The following LMNA variants were observed in gnomAD, a reference collection of about 807,000 sequenced individuals.
The protein encoded by LMNA is lamin.
In LMNA, 20 loss-of-function variants were observed where a neutral mutation model predicts 70.4. The ratio of observed to expected loss-of-function variants is 0.28; its 90% CI spans 0.20 to 0.41. The LOEUF (loss-of-function observed/expected upper bound fraction) is 0.41. Among genes scored for constraint, LMNA ranks in the 10% least tolerant of loss-of-function variants. The pLI, the probability that LMNA is intolerant of heterozygous loss-of-function variation, is 1.00. For missense variants in LMNA, 652 were observed against 917.2 expected, an observed-to-expected ratio of 0.71 and a Z score of 3.73; for synonymous variants, 339 against 372.8, an observed-to-expected ratio of 0.91 and a Z score of 1.04.
In LMNA at chr1:156,114,787, C is replaced by G. The variant is rs1649681819; in HGVS notation, c.-132C>G. ...CGACAGCGCCCGGCCCAGATCCCCA[C>G]GCCTGCCAGGAGCAAGCCGAGAGCC... On this transcript the variant is annotated 5_prime_UTR_variant, in exon 1 of 12. Transcript: ENST00000368300. 1.7e-5 allele frequency: 11 copies of G among 660,154 alleles called. No homozygotes were observed. 40.9% of individuals were successfully genotyped at this position (660,154 alleles called of 1,614,324 possible).
chr1:156,114,706 G>T, upstream of LMNA: 1 of 556,162 alleles, frequency 1.8e-6, no homozygotes, highest in East Asian at 3.1e-5. Flanking sequence ...CGGCGTCGGT[G>T]ACTCAGTGTT....
At chr1:156,086,204 C>T (rs979638474) in intron 2 of LMNA, among the ~76,000 whole-genome samples, 1 of 152,234 alleles carries the variant, frequency 6.6e-6, no homozygotes, top group Non-Finnish European at 1.5e-5. Flanking sequence ...TTCGTTCATT[C>T]ATTCAGCCAG....
In LMNA at chr1:156,135,716, A is replaced by T. The variant is rs1317508058; in HGVS notation, c.937-185A>T. ...AGTTAGACAAGGGGAAGGACTTCCC[A>T]GTTGCCAGCCAAGACTATGTTTAGA... On this transcript the variant is annotated intron_variant, in intron 5 of 11. Coordinates refer to ENST00000368300, the MANE Select transcript of LMNA (RefSeq NM_170707.4). This position sits in a 1 kb window ranked among gnomAD's most constrained non-coding sequence, Gnocchi z 4.8. The T allele has an allele frequency of 6.5e-6, 4 of 619,368 alleles. No individual in the cohort carries two copies. The highest frequency in any genetic ancestry group is 1.1e-5 in the Non-Finnish European group (4 of 352,352). The allele number at this position is 619,368 out of a possible 1,614,324, so 38.4% of individuals were successfully genotyped here.
upstream of LMNA, among the ~76,000 whole-genome samples, chr1:156,110,817 A>C (rs1394011454): frequency 6.6e-6 from 1 of 152,048 alleles, no homozygotes; most frequent in East Asian, 1.9e-4. Context: ...GTCTACTAAA[A>C]ATATAAAAAT....
rs1558132826 is a variant in LMNA at position 156,136,968 on chromosome 1, T to A, written c.1428T>A (p.Asp476Glu). The part of the protein sequence containing the change: ...NWQIKRQNGD[D>E]PLLTYRFPPK... ...AGATCAAGCGCCAGAATGGAGATGA[T>A]CCCTTGCTGACTTACCGGTTCCCAC... Residue 476 changes from aspartate (D) to glutamate (E), a missense_variant, in exon 8 of 12, where the codon GAT becomes GAA. Asp to Glu is a conservative substitution (Grantham distance 45, BLOSUM62 2). Coordinates refer to ENST00000368300, the MANE Select transcript of LMNA (RefSeq NM_170707.4). The surrounding 1 kb of genome is among the most constrained non-coding windows in gnomAD (Gnocchi z 6.1). 6.2e-7 allele frequency: 1 copy of A among 1,614,162 alleles called. No individual in the cohort carries two copies. Among genetic ancestry groups the A allele is most frequent in the Non-Finnish European group, 8.5e-7 (1 of 1,180,026 alleles).
At chr1:156,120,922 T>C (rs1416239901) in intron 1 of LMNA, among the ~76,000 whole-genome samples, 1 of 152,034 alleles carries the variant, frequency 6.6e-6, no homozygotes, top group East Asian at 1.9e-4. Flanking sequence ...GAAAGGAAGC[T>C]GTGCCTTTTG....
rs923494547 is a variant in LMNA at position 156,137,601 on chromosome 1, G to A, written c.1609-53G>A. The A allele has an allele frequency of 2.0e-6, 3 of 1,488,582 alleles. No homozygotes were observed. The highest frequency in any genetic ancestry group is 1.4e-5 in the African/African-American group (1 of 71,860). The allele number at this position is 1,488,582 out of a possible 1,614,324, so 92.2% of individuals were successfully genotyped here. A position where few individuals can be genotyped will look rare whatever the true frequency, so the allele number is the denominator to read the frequency against. Reference sequence around the variant, plus strand: ...AGGTGGTCACTGGGGTAGACATGCTGTACAACCCTTCCCTGGCCCTGACCC... The same window carrying A: ...AGGTGGTCACTGGGGTAGACATGCTATACAACCCTTCCCTGGCCCTGACCC... On this transcript the variant is annotated intron_variant, in intron 9 of 11. Transcript: ENST00000368300. The surrounding 1 kb of genome is among the most constrained non-coding windows in gnomAD (Gnocchi z 4.6).
intron 1 of LMNA, among the ~76,000 whole-genome samples, chr1:156,116,443 C>A (rs1004057933): frequency 1.3e-5 from 2 of 151,808 alleles, no homozygotes; most frequent in African/African-American, 4.8e-5. Flanking sequence ...ATTTGTTTCC[C>A]TTCTTCCTGC....
chr1:156,114,461 A>G (rs1031279149), upstream of LMNA, among the ~76,000 whole-genome samples: 10 of 152,210 alleles, frequency 6.6e-5, no homozygotes, highest in African/African-American at 2.2e-4. Context: ...GTCTGAGGCA[A>G]TGGGGGCAAG....
intron 1 of LMNA, among the ~76,000 whole-genome samples, chr1:156,129,155 C>T (rs1054560516): frequency 1.3e-5 from 2 of 152,194 alleles, no homozygotes; most frequent in Non-Finnish European, 2.9e-5. Context: ...AGGAGACAGA[C>T]ACTTACATTA....
Position 156,135,263 on chromosome 1 carries a change from G to A in LMNA, c.887G>A (p.Arg296His), listed in dbSNP as rs1024051591. 1 of 1,613,538 alleles carries A rather than the reference G, an allele frequency of 6.2e-7. No individual in the cohort carries two copies. Residue 296 changes from arginine to histidine, a missense_variant, in exon 5 of 12, where the codon CGC becomes CAC. This residue lies in a region of LMNA where 254 missense variants were observed against 421.9 expected (regional missense o/e 0.60). Transcript: ENST00000368300. This position sits in a 1 kb window ranked among gnomAD's most constrained non-coding sequence, Gnocchi z 4.8. ...GCCCACGAGGAGCTGCAGCAGTCGC[G>A]CATCCGCATCGACAGCCTCTCTGCC... ...GAAHEELQQS[R>H]IRIDSLSAQL...
upstream of LMNA, among the ~76,000 whole-genome samples, chr1:156,111,742 C>G (rs1345674737): frequency 6.6e-6 from 1 of 152,188 alleles, no homozygotes; most frequent in African/African-American, 2.4e-5. Context: ...GATAGCCACT[C>G]TACCCATACT....
At chr1:156,104,107 C>A (rs895205230) in intron 3 of LMNA, among the ~76,000 whole-genome samples, 1 of 152,230 alleles carries the variant, frequency 6.6e-6, no homozygotes, top group African/African-American at 2.4e-5. Context: ...GGCCTGGCAG[C>A]CCAGGGATTT....
At chr1:156,091,177 G>C (rs1445120264) in intron 3 of LMNA, 1 of 152,356 alleles carries the variant, frequency 6.6e-6, no homozygotes, top group Non-Finnish European at 1.5e-5. Flanking sequence ...CCTAAACCTG[G>C]CTTCATGTCC....
chr1:156,116,151 T>A (rs1649813585), intron 1 of LMNA, among the ~76,000 whole-genome samples: 1 of 152,214 alleles, frequency 6.6e-6, no homozygotes, highest in South Asian at 2.1e-4. Flanking sequence ...TTGGGGGCAC[T>A]GTCCTTCCCT....
chr1:156,085,822 A>C (rs926495839), intron 2 of LMNA, among the ~76,000 whole-genome samples: 2 of 152,156 alleles, frequency 1.3e-5, no homozygotes, highest in African/African-American at 4.8e-5. Flanking sequence ...TTGGGAGGCC[A>C]AGGTGGGTGA....
rs373755816 is a variant in LMNA, at chr1:156,092,868, CTTTCT to C, written c.-207+2300_-207+2304del. Reference sequence around the variant, plus strand: ...TCCAGCCACATGGACTTTCTCCTTTCTTTCTTTTCTTTTCTTTTTTTCTTTTTTTT... The same window carrying C: ...TCCAGCCACATGGACTTTCTCCTTTCTTTCTTTTCTTTTTTTCTTTTTTTT... On this transcript the variant is annotated intron_variant, in intron 3 of 12. Coordinates refer to the LMNA transcript ENST00000368301. Among the ~76,000 whole-genome samples the C allele has an allele frequency of 2.4e-3, 362 of 150,078 alleles. 1 individual carries two copies. Among genetic ancestry groups the C allele is most frequent in the African/African-American group, 8.1e-3 (329 of 40,830 alleles).
At chr1:156,099,638 T>G (rs1649066717) in intron 3 of LMNA, among the ~76,000 whole-genome samples, 1 of 151,888 alleles carries the variant, frequency 6.6e-6, no homozygotes, top group Non-Finnish European at 1.5e-5. Flanking sequence ...ATCCTAGCAC[T>G]TTAGGAGGCC....
At chr1:156,123,007 C>G (rs1650304898) in intron 1 of LMNA, 1 of 152,250 alleles carries the variant, frequency 6.6e-6, no homozygotes, top group Non-Finnish European at 1.5e-5. Flanking sequence ...GGCTGAGATC[C>G]CAGGCCCGGC....
Sources: gnomAD v4.1 joint callset for allele counts (sites outside exome capture counted in the v4.1 genomes callset) on GRCh38, gnomAD v4.1.1 for gene constraint, gnomAD v4.1.1 regional missense constraint, Gnocchi (gnomAD v3.1) non-coding constraint, MANE v1.5 for transcripts, NCBI Gene and HGNC (gene_info 2026-07-23, HGNC 2026-07-21) for gene names.